The following SLC4A8 variants were observed in gnomAD, a reference collection of about 807,000 sequenced individuals.
The protein encoded by SLC4A8 is electroneutral sodium bicarbonate exchanger 1.
SLC4A8 carries 40 observed loss-of-function variants against 125.0 expected under a neutral mutation model. The ratio of observed to expected loss-of-function variants is 0.32; its 90% CI spans 0.25 to 0.42. The LOEUF (loss-of-function observed/expected upper bound fraction) is 0.42, where lower values mean the gene tolerates loss of function less well. Ranked by LOEUF, SLC4A8 falls within the 10% of genes least tolerant of loss-of-function variation. The pLI, the probability that SLC4A8 is intolerant of heterozygous loss-of-function variation, is 1.00. For synonymous variants in SLC4A8, 456 were observed against 476.0 expected, an observed-to-expected ratio of 0.96 and a Z score of 0.55; for missense variants, 863 against 1,355.1, an observed-to-expected ratio of 0.64 and a Z score of 5.70.
At chr12:51,482,906 A>G (rs1398743868) in intron 16 of SLC4A8, among the ~76,000 whole-genome samples, 1 of 152,166 alleles carries the variant, frequency 6.6e-6, no homozygotes, top group Non-Finnish European at 1.5e-5. Flanking sequence ...CCAAGTAAAA[A>G]ACAAAAGCAA....
At position 51,462,378 on chromosome 12, in the gene SLC4A8, A is replaced by T. The variant is rs750658197; in HGVS notation, c.1170A>T (p.Leu390=). 6.2e-7 allele frequency: 1 copy of T among 1,613,166 alleles called. No individual in the cohort carries two copies. The highest frequency in any genetic ancestry group is 1.7e-5 in the Admixed American group (1 of 59,872). The change falls in exon 10 of 25, where the codon CTA becomes CTT. Residue 390 remains leucine (L), a synonymous_variant. Coordinates refer to ENST00000453097, the MANE Select transcript of SLC4A8 (RefSeq NM_001039960.3). ...TCCTGGCGGGGATTGATGAGTTCCT[A>T]GACCAGGTGACGGTGCTCCCTCCAG... ...DDLLAGIDEF[L]DQVTVLPPGE...
intron 1 of SLC4A8, among the ~76,000 whole-genome samples, chr12:51,412,518 A>G (rs1948614152): frequency 6.6e-6 from 1 of 152,234 alleles, no homozygotes; most frequent in South Asian, 2.1e-4. Flanking sequence ...GCTATTGGAC[A>G]CTAGAACTTA....
chr12:51,471,392 C>T lies in SLC4A8; in HGVS notation c.1764C>T (p.Tyr588=). The T allele has an allele frequency of 6.2e-7, 1 of 1,614,226 alleles. No individual in the cohort carries two copies. Among genetic ancestry groups the T allele is most frequent in the Non-Finnish European group, 8.5e-7 (1 of 1,180,036 alleles). ...CTGATGCCAGTTCCCTTGTCTGCTA[C>T]ATTACCCGTTTCACTGAAGAAGCAT... is the stretch of plus-strand genomic sequence containing the variant. The part of the protein sequence containing the change: ...VATDASSLVC[Y]ITRFTEEAFA... The change falls in exon 14 of 25, where the codon TAC becomes TAT. Residue 588 remains tyrosine (Y), a synonymous_variant. Coordinates refer to ENST00000453097, the MANE Select transcript of SLC4A8 (RefSeq NM_001039960.3).
At chr12:51,444,744 T>G (rs965231685) in intron 2 of SLC4A8, among the ~76,000 whole-genome samples, 5 of 152,222 alleles carry the variant, frequency 3.3e-5, no homozygotes, top group Non-Finnish European at 7.4e-5. Flanking sequence ...GAACCTGGAC[T>G]AGCCATCATC....
intron 1 of SLC4A8, among the ~76,000 whole-genome samples, chr12:51,409,137 G>A (rs1202262191): frequency 2.0e-5 from 3 of 151,842 alleles, no homozygotes; most frequent in Non-Finnish European, 2.9e-5. Context: ...CAATCCTCCC[G>A]TCTCAGCCTA....
At chr12:51,493,422 A>G (rs1302567157) in intron 19 of SLC4A8, among the ~76,000 whole-genome samples, 2 of 151,144 alleles carry the variant, frequency 1.3e-5, no homozygotes, top group East Asian at 1.9e-4. Flanking sequence ...GTGTGTGTGT[A>G]TGTGTGCCCA....
intron 2 of SLC4A8, among the ~76,000 whole-genome samples, chr12:51,443,953 T>C (rs1949685749): frequency 6.6e-6 from 1 of 152,232 alleles, no homozygotes; most frequent in Non-Finnish European, 1.5e-5. Flanking sequence ...GCTCTCTGCA[T>C]GTGTATATGT....
Position 51,463,679 on chromosome 12 carries a change from G to C in SLC4A8, c.1314G>C (p.Gly438=), listed in dbSNP as rs375763131. 6.2e-7 allele frequency: 1 copy of C among 1,614,026 alleles called. No homozygotes were observed. Among genetic ancestry groups the C allele is most frequent in the South Asian group, 1.1e-5 (1 of 91,076 alleles). ...GCCACATAGAACAGGAACCACATGGGGGTCACAGTGGGCCAGAACTTCAGC... is the reference window on the plus strand; with the variant it reads ...GCCACATAGAACAGGAACCACATGGCGGTCACAGTGGGCCAGAACTTCAGC... The part of the protein sequence containing the change: ...NVCHIEQEPH[G]GHSGPELQRT... The change falls in exon 11 of 25, where the codon GGG becomes GGC. Residue 438 remains glycine, a synonymous_variant. Coordinates refer to ENST00000453097, the MANE Select transcript of SLC4A8 (RefSeq NM_001039960.3).
At position 51,485,889 on chromosome 12, in the gene SLC4A8, A is replaced by C. The variant is rs1312661259; in HGVS notation, c.2275A>C (p.Ser759Arg). The C allele has an allele frequency of 6.3e-7, 1 of 1,583,320 alleles. No individual in the cohort carries two copies. Among genetic ancestry groups the C allele is most frequent in the Non-Finnish European group, 8.7e-7 (1 of 1,152,046 alleles). The change falls in exon 17 of 25, where the codon AGT (serine) becomes CGT (arginine). Residue 759 changes from serine (S) to arginine (R), a missense_variant. By Grantham distance (110) the Ser-to-Arg change is moderately radical. Coordinates refer to ENST00000453097, the MANE Select transcript of SLC4A8 (RefSeq NM_001039960.3). Reference protein sequence around the residue: ...GVPSPKLQVPSVFKPTRDDRG... With the variant: ...GVPSPKLQVPRVFKPTRDDRG... Reference sequence around the variant, plus strand: ...CCCATCACCAAAGCTTCAAGTTCCCAGTGTGTTCAAGGTAAACAGATCTCA... The same window carrying C: ...CCCATCACCAAAGCTTCAAGTTCCCCGTGTGTTCAAGGTAAACAGATCTCA...
At chr12:51,489,409 G>A (rs1254125536) in intron 18 of SLC4A8, among the ~76,000 whole-genome samples, 1 of 152,198 alleles carries the variant, frequency 6.6e-6, no homozygotes, top group Non-Finnish European at 1.5e-5. Flanking sequence ...CAGGGTGTCT[G>A]GTTAATCTTC....
At chr12:51,484,649 G>A (rs1380791880) in intron 16 of SLC4A8, among the ~76,000 whole-genome samples, 2 of 152,028 alleles carry the variant, frequency 1.3e-5, no homozygotes, top group Admixed American at 1.3e-4. Flanking sequence ...GCTAAGATAT[G>A]TTTTGCTCTC....
At chr12:51,471,706 A>G (rs1291520138) in intron 14 of SLC4A8, 174 bp downstream of exon 14, 15 of 662,308 alleles carry the variant, frequency 2.3e-5, no homozygotes, top group Admixed American at 1.8e-4. Flanking sequence ...GAGAACAATC[A>G]AAAGTGTTGA....
Position 51,462,389 on chromosome 12 carries a change from C to T in SLC4A8, c.1181C>T (p.Thr394Met), listed in dbSNP as rs200938638. 8.6e-5 allele frequency: 138 copies of T among 1,611,762 alleles called. 1 individual carries two copies. The highest frequency in any genetic ancestry group is 2.4e-4 in the South Asian group (22 of 90,490). ...AGIDEFLDQVTVLPPGEWDPS... is the reference protein window; with the variant it reads ...AGIDEFLDQVMVLPPGEWDPS... ...ATTGATGAGTTCCTAGACCAGGTGA[C>T]GGTGCTCCCTCCAGGAGAGTGGGAT... Residue 394 changes from threonine to methionine, a missense_variant, in exon 10 of 25, where the codon ACG (threonine) becomes ATG (methionine). This residue lies in a region of SLC4A8 where 390 missense variants were observed against 634.4 expected (regional missense o/e 0.61). Transcript: ENST00000453097.
intron 1 of SLC4A8, among the ~76,000 whole-genome samples, chr12:51,401,478 T>C (rs1305277360): frequency 6.6e-6 from 1 of 152,200 alleles, no homozygotes; most frequent in Non-Finnish European, 1.5e-5. Flanking sequence ...GCAAACTCTA[T>C]GTCTTTCCGT....
rs761786953 is a variant in SLC4A8, at chr12:51,507,410, TA to T, written c.3270-14del. The stretch of plus-strand genomic sequence containing the variant: ...CATATGTTCCCTTTTTGTCTAATTG[TA>T]ACACTTTTATTCAGTCTCTTCAACT... On this transcript the variant is annotated splice_polypyrimidine_tract_variant and intron_variant, in intron 24 of 24. Coordinates refer to ENST00000453097, the MANE Select transcript of SLC4A8 (RefSeq NM_001039960.3). 1.5e-6 allele frequency: 2 copies of T among 1,377,196 alleles called. No homozygotes were observed. Among genetic ancestry groups the T allele is most frequent in the South Asian group, 4.4e-5 (2 of 45,508 alleles). 85.3% of individuals were successfully genotyped at this position (1,377,196 alleles called of 1,614,324 possible).
chr12:51,396,681 TAAA>T (rs11324810), intron 1 of SLC4A8, among the ~76,000 whole-genome samples: 7 of 143,364 alleles, frequency 4.9e-5, no homozygotes, highest in Non-Finnish European at 4.6e-5. Flanking sequence ...CATCTTTATT[TAAA>T]AAAAAAAAAA....
chr12:51,490,086 G>A (rs780796431), intron 19 of SLC4A8, 135 bp downstream of exon 19: 12 of 758,028 alleles, frequency 1.6e-5, no homozygotes, highest in Non-Finnish European at 2.6e-5. Context: ...TATTCTAGAG[G>A]GATAAGACAG....
At chr12:51,425,266 T>C in intron 1 of SLC4A8, 1 of 1,314,694 alleles carries the variant, frequency 7.6e-7, no homozygotes, top group Admixed American at 3.9e-5. Context: ...CTCTGCCGCA[T>C]CCCTTGCGCC....
At position 51,462,299 on chromosome 12, in the gene SLC4A8, C is replaced by T. The variant is rs758274985; in HGVS notation, c.1102-11C>T. On this transcript the variant is annotated splice_polypyrimidine_tract_variant and intron_variant, in intron 9 of 24. Transcript: ENST00000453097. ...CTTTTAACTTTCCTGAGGGTTTTCT[C>T]TTCTCTGTAGATTTTTCATGACGTA... The T allele has an allele frequency of 3.1e-6, 5 of 1,613,458 alleles. No homozygotes were observed. The highest frequency in any genetic ancestry group is 4.2e-6 in the Non-Finnish European group (5 of 1,179,488).
Sources: gnomAD v4.1 joint callset for allele counts (sites outside exome capture counted in the v4.1 genomes callset) on GRCh38, gnomAD v4.1.1 for gene constraint, gnomAD v4.1.1 regional missense constraint, MANE v1.5 for transcripts, NCBI Gene and HGNC (gene_info 2026-07-23, HGNC 2026-07-21) for gene names.